Variants in NFXL1 observed in about 807,000 individuals in gnomAD.
The protein encoded by NFXL1 is nuclear transcription factor, X-box binding like 1.
In NFXL1, 66 loss-of-function variants were observed where a neutral mutation model predicts 123.3. That is an observed-to-expected ratio of 0.54 (90% CI 0.44 to 0.66). The LOEUF (loss-of-function observed/expected upper bound fraction) is 0.66. Among genes scored for constraint, NFXL1 ranks in the 30% least tolerant of loss-of-function variants. NFXL1 has a pLI of 0.00. For synonymous variants in NFXL1, 346 were observed against 360.8 expected, an observed-to-expected ratio of 0.96 and a Z score of 0.46; for missense variants, 944 against 1,125.6, an observed-to-expected ratio of 0.84 and a Z score of 2.31.
intron 20 of NFXL1, 27 bp downstream of exon 20, chr4:47,855,031 AG>A (rs760793630): frequency 9.8e-7 from 1 of 1,023,282 alleles, no homozygotes; most frequent in South Asian, 1.6e-5. Context: ...TATATAGAAA[AG>A]TATTTTCAAT....
rs1194600184 is a variant in NFXL1, at chr4:47,860,231, T to A, written c.2316+2615A>T. Among the ~76,000 whole-genome samples the A allele has an allele frequency of 3.9e-5, 6 of 152,288 alleles. No individual in the cohort carries two copies. The South Asian group carries it at 1.0e-3, about 26-fold the overall frequency. ...TGCCTATGGTAAATATACAAAATTTTATCAATTAAAAACTTTGAACATTTA... is the reference window on the plus strand; with the variant it reads ...TGCCTATGGTAAATATACAAAATTTAATCAATTAAAAACTTTGAACATTTA... On this transcript the variant is annotated intron_variant, in intron 19 of 22. Transcript: ENST00000507489.
At chr4:47,892,241 T>C (rs1227900586) in intron 11 of NFXL1, among the ~76,000 whole-genome samples, 2 of 152,222 alleles carry the variant, frequency 1.3e-5, no homozygotes, top group Non-Finnish European at 2.9e-5. Context: ...AGTCTTGCAA[T>C]GCTATCAGCT....
intron 15 of NFXL1, among the ~76,000 whole-genome samples, chr4:47,880,354 C>T (rs1736016296): frequency 1.4e-5 from 2 of 145,648 alleles, no homozygotes; most frequent in South Asian, 4.3e-4. Context: ...GTGCAGGCTG[C>T]AGTGGGCTGT....
intron 17 of NFXL1, among the ~76,000 whole-genome samples, chr4:47,878,227 GA>G (rs1735870602): frequency 1.3e-5 from 2 of 151,978 alleles, no homozygotes; most frequent in Admixed American, 1.3e-4. Context: ...TATCTAAGAA[GA>G]TACATAACCT....
chr4:47,859,336 C>G (rs1032637431), intron 19 of NFXL1, among the ~76,000 whole-genome samples: 5 of 152,208 alleles, frequency 3.3e-5, no homozygotes, highest in Admixed American at 2.0e-4. Flanking sequence ...ATCATAATCA[C>G]CATAGCTACC....
Position 47,848,271 on chromosome 4 carries a change from T to G in NFXL1, c.2628A>C (p.Glu876Asp). 1 of 1,612,842 alleles carries G rather than the reference T, an allele frequency of 6.2e-7. No individual in the cohort carries two copies. The highest frequency in any genetic ancestry group is 8.5e-7 in the Non-Finnish European group (1 of 1,179,084). Residue 876 changes from glutamate (E) to aspartate (D), a missense_variant, in exon 23 of 23, where the codon GAA (glutamate) becomes GAC (aspartate). By Grantham distance (45) the Glu-to-Asp change is conservative (BLOSUM62 2). This residue lies in a region of NFXL1 where 301 missense variants were observed against 348.0 expected (regional missense o/e 0.86). Coordinates refer to ENST00000507489, the MANE Select transcript of NFXL1 (RefSeq NM_001278624.2). ...GRRKKNRKRDEVAVELSLWQK... is the reference protein window; with the variant it reads ...GRRKKNRKRDDVAVELSLWQK... ...GCCATAGTGATAGCTCAACTGCCAC[T>G]TCATCTCTTTTCCTGTTCTTCTTCC... is the stretch of plus-strand genomic sequence containing the variant.
chr4:47,900,981 G>A (rs1737332695), intron 5 of NFXL1, among the ~76,000 whole-genome samples: 1 of 152,148 alleles, frequency 6.6e-6, no homozygotes, highest in Admixed American at 6.5e-5. Flanking sequence ...AGGGGGATAT[G>A]TATTTTTAAT....
At chr4:47,910,665 A>G (rs185202720) in intron 3 of NFXL1, among the ~76,000 whole-genome samples, 159 bp downstream of exon 3, 374 of 152,364 alleles carry the variant, frequency 2.5e-3, no homozygotes, top group Non-Finnish European at 4.8e-3. Flanking sequence ...TACACAATAT[A>G]TAACTCAAAT....
chr4:47,868,432 GAGA>G (rs906771204), intron 18 of NFXL1, among the ~76,000 whole-genome samples: 8 of 123,172 alleles, frequency 6.5e-5, no homozygotes, highest in African/African-American at 1.8e-4. Flanking sequence ...ACAATGAGAA[GAGA>G]AGGAGAGAAA....
intron 19 of NFXL1, among the ~76,000 whole-genome samples, chr4:47,862,187 T>C (rs1734806442): frequency 6.6e-6 from 1 of 152,250 alleles, no homozygotes; most frequent in Non-Finnish European, 1.5e-5. Flanking sequence ...TTTACCTTTT[T>C]ACTTTGCACA....
chr4:47,886,875 T>C (rs4695300), intron 12 of NFXL1, among the ~76,000 whole-genome samples: 13,970 of 152,248 alleles, frequency 0.092, 993 homozygotes, highest in East Asian at 0.31. Flanking sequence ...TCTATCCAAG[T>C]ACACAATTTT....
intron 2 of NFXL1, among the ~76,000 whole-genome samples, chr4:47,911,955 T>C (rs754017627): frequency 6.6e-6 from 1 of 152,326 alleles, no homozygotes; most frequent in Non-Finnish European, 1.5e-5. Flanking sequence ...ATTTACTGAT[T>C]GACTATTTTA....
intron 18 of NFXL1, among the ~76,000 whole-genome samples, chr4:47,866,872 G>A (rs2033895): frequency 0.82 from 124,431 of 152,186 alleles, 51,094 homozygotes; most frequent in East Asian, 0.98. Flanking sequence ...CCTTCCCCCA[G>A]TAAAAACTCT....
chr4:47,860,940 C>G (rs1391554701), intron 19 of NFXL1, among the ~76,000 whole-genome samples: 1 of 151,784 alleles, frequency 6.6e-6, no homozygotes, highest in Non-Finnish European at 1.5e-5. Context: ...GCAACTTCCG[C>G]CTCCTGGGTT....
At chr4:47,877,774 A>T (rs1735844017) in intron 17 of NFXL1, among the ~76,000 whole-genome samples, 2 of 152,094 alleles carry the variant, frequency 1.3e-5, no homozygotes. Flanking sequence ...ATTTTCAATA[A>T]CATAAGTCAT....
chr4:47,882,325 A>AG (rs1344437178), intron 15 of NFXL1: 3 of 152,232 alleles, frequency 2.0e-5, no homozygotes, highest in Non-Finnish European at 1.5e-5. Context: ...CTTTAAAAAA[A>AG]GAAAAGAAGA....
intron 22 of NFXL1, among the ~76,000 whole-genome samples, chr4:47,849,022 G>C (rs914396627): frequency 3.3e-5 from 5 of 152,132 alleles, no homozygotes; most frequent in Non-Finnish European, 2.9e-5. Context: ...ATTCTATAAA[G>C]CTTCTAGCAA....
chr4:47,853,433 T>A (rs936885085), intron 20 of NFXL1, among the ~76,000 whole-genome samples: 2 of 151,992 alleles, frequency 1.3e-5, no homozygotes, highest in African/African-American at 4.8e-5. Flanking sequence ...AACTCTATTT[T>A]ACAGATGAGG....
chr4:47,860,600 G>GT (rs1452585610), intron 19 of NFXL1, among the ~76,000 whole-genome samples: 10 of 152,214 alleles, frequency 6.6e-5, no homozygotes, highest in African/African-American at 2.4e-4. Flanking sequence ...TCCCCTGCCT[G>GT]TAACAATCTA....
Sources: allele counts gnomAD v4.1 joint callset (sites outside exome capture counted in the v4.1 genomes callset), GRCh38; gene constraint gnomAD v4.1.1; regional missense constraint gnomAD v4.1.1; transcripts MANE v1.5; gene names NCBI Gene and HGNC (gene_info 2026-07-23, HGNC 2026-07-21).